The following XRN2 variants were observed in gnomAD, a reference collection of about 807,000 sequenced individuals.
XRN2 encodes the protein DHM1-like protein.
In XRN2, 44 loss-of-function variants were observed where a neutral mutation model predicts 138.5. That is an observed-to-expected ratio of 0.32 (90% CI 0.25 to 0.41). The LOEUF is 0.41. Ranked by LOEUF, XRN2 falls within the 10% of genes least tolerant of loss-of-function variation. The pLI is 1.00. For synonymous variants in XRN2, 354 were observed against 369.4 expected (o/e 0.96, Z 0.48); for missense variants, 937 against 1,169.3 (o/e 0.80, Z 2.90).
At chr20:21,317,111 C>G (rs1418847556) in intron 1 of XRN2, among the ~76,000 whole-genome samples, 1 of 151,992 alleles carries the variant, frequency 6.6e-6, no homozygotes, top group Non-Finnish European at 1.5e-5. Flanking sequence ...CCTAATTGCC[C>G]TGGCTGGAAC....
At chr20:21,312,016 G>C (rs1353064048) in intron 1 of XRN2, among the ~76,000 whole-genome samples, 1 of 152,010 alleles carries the variant, frequency 6.6e-6, no homozygotes, top group Non-Finnish European at 1.5e-5. Context: ...AAAGATTATT[G>C]ATATGGTTAG....
intron 20 of XRN2, 29 bp from the exon 21 acceptor site, chr20:21,354,760 G>C (rs1191524283): frequency 6.2e-7 from 1 of 1,608,108 alleles, no homozygotes; most frequent in Non-Finnish European, 8.5e-7. Flanking sequence ...CTGGTAGCAG[G>C]GGTGGTTCAT....
chr20:21,383,458 G>C (rs766415934), intron 28 of XRN2, among the ~76,000 whole-genome samples: 13 of 152,148 alleles, frequency 8.5e-5, no homozygotes, highest in Non-Finnish European at 1.9e-4. Context: ...CATTGAAATA[G>C]ATGCTGTTAT....
chr20:21,358,180 T>C (rs2038598112), intron 24 of XRN2, among the ~76,000 whole-genome samples: 2 of 152,230 alleles, frequency 1.3e-5, no homozygotes, highest in South Asian at 4.1e-4. Flanking sequence ...TTTATAATCA[T>C]GGCCCTGCAG....
chr20:21,330,735 G>A, intron 6 of XRN2, 30 bp downstream of exon 6: 1 of 1,577,954 alleles, frequency 6.3e-7, no homozygotes, highest in African/African-American at 1.3e-5. Flanking sequence ...ACTTCAGAAA[G>A]ATTAGGGTGA....
chr20:21,346,427 T>C lies in XRN2; in HGVS notation c.1542T>C (p.Ala514=), dbSNP rs747107009. 2.2e-5 allele frequency: 36 copies of C among 1,613,980 alleles called. No individual in the cohort carries two copies. Among genetic ancestry groups the C allele is most frequent in the Non-Finnish European group, 2.8e-5 (33 of 1,180,000 alleles). ...EPEDNVRLWE[A]GWKQRYYKNK... ...TGCCTGGTTTTAGGTTATGGGAAGC[T>C]GGCTGGAAGCAGCGGTACTACAAGA... Residue 514 remains alanine (A), a synonymous_variant, in exon 17 of 30, where the codon GCT becomes GCC. Coordinates refer to ENST00000377191, the MANE Select transcript of XRN2 (RefSeq NM_012255.5).
At chr20:21,332,145 G>A (rs575446667) in intron 8 of XRN2, 138 bp from the exon 9 acceptor site, 19 of 1,041,144 alleles carry the variant, frequency 1.8e-5, no homozygotes, top group Non-Finnish European at 6.8e-6. Flanking sequence ...ATGCCAGGAA[G>A]TGTCAAGCTT....
At chr20:21,310,032 A>G (rs972988966) in intron 1 of XRN2, among the ~76,000 whole-genome samples, 1 of 152,200 alleles carries the variant, frequency 6.6e-6, no homozygotes, top group African/African-American at 2.4e-5. Flanking sequence ...ATTAAGGTAG[A>G]AGCTGAGGTC....
chr20:21,327,861 C>T (rs2038148856), intron 3 of XRN2, among the ~76,000 whole-genome samples: 1 of 152,132 alleles, frequency 6.6e-6, no homozygotes, highest in Non-Finnish European at 1.5e-5. Flanking sequence ...ACAGTTTCTT[C>T]CCACCCCAAA....
intron 9 of XRN2, 113 bp from the exon 10 acceptor site, chr20:21,333,431 A>G: frequency 9.4e-7 from 1 of 1,066,882 alleles, no homozygotes; most frequent in Non-Finnish European, 1.4e-6. Context: ...AAAATTAAAT[A>G]CTTGTGATAT....
At position 21,330,686 on chromosome 20, in the gene XRN2, C is replaced by T. The variant is rs2038195671; in HGVS notation, c.557C>T (p.Pro186Leu). Reference sequence around the variant, plus strand: ...ATAGCTGATCGTTTAAATAATGACCCTGGGTGGAAAAATTTGACAGTAAGT... The same window carrying T: ...ATAGCTGATCGTTTAAATAATGACCTTGGGTGGAAAAATTTGACAGTAAGT... Reference protein sequence around the residue: ...YYIADRLNNDPGWKNLTVILS... With the variant: ...YYIADRLNNDLGWKNLTVILS... Residue 186 changes from proline (P) to leucine (L), a missense_variant, in exon 6 of 30, where the codon CCT becomes CTT. Physicochemically the swap from Pro to Leu is moderately conservative, Grantham distance 98. Around this residue, in one of 6 missense-constraint regions of XRN2, gnomAD observed 471 missense variants for 581.2 expected, o/e 0.81. Transcript: ENST00000377191. The T allele has an allele frequency of 6.2e-7, 1 of 1,612,548 alleles. No homozygotes were observed. The highest frequency in any genetic ancestry group is 1.3e-5 in the African/African-American group (1 of 74,984).
chr20:21,371,817 G>C (rs1484900070), intron 27 of XRN2, among the ~76,000 whole-genome samples: 1 of 152,192 alleles, frequency 6.6e-6, no homozygotes, highest in Non-Finnish European at 1.5e-5. Context: ...TACACCAAAG[G>C]AGAGAATTTC....
chr20:21,310,901 C>T (rs560736589), intron 1 of XRN2, among the ~76,000 whole-genome samples: 5 of 152,032 alleles, frequency 3.3e-5, no homozygotes, highest in South Asian at 4.2e-4. Flanking sequence ...CCCGCCACCA[C>T]GCCCGGCAAA....
chr20:21,374,122 ACTTT>A (rs1383052545), intron 27 of XRN2, among the ~76,000 whole-genome samples: 2 of 152,172 alleles, frequency 1.3e-5, no homozygotes, highest in Non-Finnish European at 2.9e-5. Context: ...CTTAAATATC[ACTTT>A]CTAATTGCTT....
intron 1 of XRN2, among the ~76,000 whole-genome samples, chr20:21,308,679 TCTTA>T (rs1334912952): frequency 1.3e-5 from 2 of 152,238 alleles, no homozygotes; most frequent in African/African-American, 4.8e-5. Context: ...TCTTCGGTTG[TCTTA>T]CTTAAATGTA....
intron 8 of XRN2, 25 bp from the exon 9 acceptor site, chr20:21,332,258 T>C (rs757897093): frequency 6.2e-7 from 1 of 1,603,194 alleles, no homozygotes; most frequent in Non-Finnish European, 8.5e-7. Flanking sequence ...CACTGTTCGA[T>C]GTTTTTCTCA....
intron 20 of XRN2, among the ~76,000 whole-genome samples, chr20:21,352,127 C>T (rs984091680): frequency 1.3e-5 from 2 of 152,016 alleles, no homozygotes; most frequent in Non-Finnish European, 2.9e-5. Flanking sequence ...AGCTTAGTAG[C>T]GAGAACACAC....
intron 24 of XRN2, among the ~76,000 whole-genome samples, chr20:21,363,582 A>G (rs570390655): frequency 1.3e-5 from 2 of 152,298 alleles, no homozygotes; most frequent in South Asian, 2.1e-4. Context: ...AAGAAGAACT[A>G]GTTGAGTAAT....
chr20:21,326,773 C>T (rs1767625812), intron 3 of XRN2, among the ~76,000 whole-genome samples, 172 bp downstream of exon 3: 1 of 152,080 alleles, frequency 6.6e-6, no homozygotes, highest in Non-Finnish European at 1.5e-5. Context: ...GTGTTTTGTG[C>T]TTATTTTGTG....
Sources: allele counts gnomAD v4.1 joint callset (sites outside exome capture counted in the v4.1 genomes callset), GRCh38; gene constraint gnomAD v4.1.1; regional missense constraint gnomAD v4.1.1; transcripts MANE v1.5; gene names NCBI Gene and HGNC (gene_info 2026-07-23, HGNC 2026-07-21).